The following LYG1 variants were observed in gnomAD, a reference collection of about 807,000 sequenced individuals.
LYG1 encodes the protein lysozyme g1, also known as lysozyme g-like protein 1.
LYG1 carries 17 observed loss-of-function variants against 21.7 expected under a neutral mutation model. The ratio of observed to expected loss-of-function variants is 0.78; its 90% CI spans 0.54 to 1.18. LYG1 has a LOEUF of 1.18. LYG1 is among the 50% of genes most tolerant of loss of function. The pLI, the probability that LYG1 is intolerant of heterozygous loss-of-function variation, is 0.00. For synonymous variants in LYG1, 81 were observed against 87.4 expected, an observed-to-expected ratio of 0.93 and a Z score of 0.41; for missense variants, 211 against 238.1, an observed-to-expected ratio of 0.89 and a Z score of 0.75.
chr2:99,298,707 C>A (rs1363599992), intron 1 of LYG1, among the ~76,000 whole-genome samples, 158 bp from the exon 2 acceptor site: 1 of 152,094 alleles, frequency 6.6e-6, no homozygotes, highest in Non-Finnish European at 1.5e-5. Flanking sequence ...CCTCAACGTG[C>A]CCAATGAAGG....
At chr2:99,286,685 C>T (rs1486296950) in intron 5 of LYG1, among the ~76,000 whole-genome samples, 2 of 152,062 alleles carry the variant, frequency 1.3e-5, no homozygotes, top group Admixed American at 6.6e-5. Context: ...GCCTGGGCAA[C>T]AAGAGTGAGA....
At chr2:99,286,455 C>A (rs905318972) in intron 5 of LYG1, among the ~76,000 whole-genome samples, 3 of 152,100 alleles carry the variant, frequency 2.0e-5, no homozygotes, top group African/African-American at 7.2e-5. Flanking sequence ...CCTGTAATCC[C>A]AGCACTATGG....
intron 2 of LYG1, among the ~76,000 whole-genome samples, chr2:99,298,199 T>A (rs755223876): frequency 1.4e-4 from 22 of 152,168 alleles, no homozygotes; most frequent in Non-Finnish European, 2.9e-4. Context: ...ATTTGTTAAT[T>A]CCCCTGTGGC....
At position 99,301,054 on chromosome 2, in the gene LYG1, C is replaced by A. The variant is rs986217633; in HGVS notation, c.-128G>T. 1.5e-5 allele frequency: 2 copies of A among 133,898 alleles called. No homozygotes were observed. Among genetic ancestry groups the A allele is most frequent in the African/African-American group, 5.7e-5 (2 of 34,984 alleles). The allele number at this position is 133,898 out of a possible 1,614,324, so 8.3% of individuals were successfully genotyped here. A position where few individuals can be genotyped will look rare whatever the true frequency, so the allele number is the denominator to read the frequency against. On this transcript the variant is annotated 5_prime_UTR_variant, in exon 1 of 7. Transcript: ENST00000308528. Reference sequence around the variant, plus strand: ...ATGCCTCTGCTTCACACTCACCTGTCTTCAGTCAGTGCTCCTCCTTAGAGG... The same window carrying A: ...ATGCCTCTGCTTCACACTCACCTGTATTCAGTCAGTGCTCCTCCTTAGAGG...
chr2:99,293,051 G>A (rs1362649963), intron 3 of LYG1, among the ~76,000 whole-genome samples: 2 of 146,242 alleles, frequency 1.4e-5, no homozygotes, highest in Non-Finnish European at 3.0e-5. Flanking sequence ...GAGTGCAGTG[G>A]CACGATCTCG....
At chr2:99,294,935 CTA>C (rs2094132186) in intron 3 of LYG1, among the ~76,000 whole-genome samples, 1 of 152,116 alleles carries the variant, frequency 6.6e-6, no homozygotes, top group South Asian at 2.1e-4. Flanking sequence ...AACCCTGTCT[CTA>C]CTAAAAATAC....
At chr2:99,290,960 T>C (rs142437352) in intron 5 of LYG1, among the ~76,000 whole-genome samples, 1 of 152,330 alleles carries the variant, frequency 6.6e-6, no homozygotes, top group East Asian at 1.9e-4. Context: ...AGATTTAATC[T>C]GTGATCTTTC....
intron 1 of LYG1, among the ~76,000 whole-genome samples, chr2:99,300,157 T>C (rs572930080): frequency 6.6e-6 from 1 of 152,186 alleles, no homozygotes; most frequent in Non-Finnish European, 1.5e-5. Context: ...TTTTAAGCTG[T>C]TACGCTGCGT....
At chr2:99,298,131 G>C (rs1218381783) in intron 2 of LYG1, among the ~76,000 whole-genome samples, 2 of 152,230 alleles carry the variant, frequency 1.3e-5, no homozygotes, top group Non-Finnish European at 2.9e-5. Flanking sequence ...GTTTAGAAGA[G>C]ATTGTTGAGA....
intron 3 of LYG1, among the ~76,000 whole-genome samples, chr2:99,293,706 T>C (rs986009632): frequency 6.6e-6 from 1 of 152,106 alleles, no homozygotes; most frequent in African/African-American, 2.4e-5. Context: ...TTCTTTCTCT[T>C]CACACCAGGA....
rs145683553 is a variant in LYG1, at chr2:99,298,928, T to A, written c.-123-379A>T. 6.6e-5 allele frequency among the ~76,000 whole-genome samples: 10 copies of A among 152,312 alleles called. No individual in the cohort carries two copies. In the East Asian group the frequency reaches 1.9e-3, roughly 29 times the overall value. On this transcript the variant is annotated intron_variant, in intron 1 of 6. Transcript: ENST00000308528. ...TAATTTTAATTACTTTTTGTTTTGTTGGGTTTTGCTTTGTTTTGTTTGAGA... is the reference window on the plus strand; with the variant it reads ...TAATTTTAATTACTTTTTGTTTTGTAGGGTTTTGCTTTGTTTTGTTTGAGA...
At chr2:99,303,092 A>C (rs1044430109), upstream of LYG1, among the ~76,000 whole-genome samples, 1 of 151,714 alleles carries the variant, frequency 6.6e-6, no homozygotes, top group Non-Finnish European at 1.5e-5. Flanking sequence ...GGGCACTGTG[A>C]GCAAGGGTCC....
rs574661303 is a variant in LYG1 at position 99,287,834 on chromosome 2, G to T, written c.334-3014C>A. Among the ~76,000 whole-genome samples the T allele has an allele frequency of 5.7e-4, 87 of 152,184 alleles. No individual in the cohort carries two copies. The South Asian group carries it at 9.1e-3, about 16-fold the overall frequency. On this transcript the variant is annotated intron_variant, in intron 5 of 6. Coordinates refer to ENST00000308528, the MANE Select transcript of LYG1 (RefSeq NM_174898.3). ...ATTTTTGAGGATTTCTTTAATAGATGATATATGATCAACTTTTGTAAAATG... is the reference window on the plus strand; with the variant it reads ...ATTTTTGAGGATTTCTTTAATAGATTATATATGATCAACTTTTGTAAAATG...
Position 99,292,610 on chromosome 2 carries a change from T to A in LYG1, c.74A>T (p.Tyr25Phe). The change falls in exon 4 of 7, where the codon TAT becomes TTT. Residue 25 changes from tyrosine to phenylalanine, a missense_variant. Physicochemically the swap from Tyr to Phe is conservative, Grantham distance 22. Coordinates refer to ENST00000308528, the MANE Select transcript of LYG1 (RefSeq NM_174898.3). The stretch of plus-strand genomic sequence containing the variant: ...GGTGTCCAGGCTTTGGATGTTTCCA[T>A]AGCATCCCCAGTTGCTGCTTTCAGA... Reference protein sequence around the residue: ...DLSESSNWGCYGNIQSLDTPG... With the variant: ...DLSESSNWGCFGNIQSLDTPG... 6.2e-7 allele frequency: 1 copy of A among 1,614,150 alleles called. No individual in the cohort carries two copies. The highest frequency in any genetic ancestry group is 8.5e-7 in the Non-Finnish European group (1 of 1,179,970).
intron 3 of LYG1, among the ~76,000 whole-genome samples, chr2:99,294,151 C>G (rs2094129460): frequency 6.6e-6 from 1 of 152,080 alleles, no homozygotes; most frequent in Admixed American, 6.6e-5. Flanking sequence ...TGAGCTCAAG[C>G]AATTTGCCCG....
Position 99,291,384 on chromosome 2 carries a change from C to T in LYG1, c.186G>A (p.Met62Ile). 6.2e-7 allele frequency: 1 copy of T among 1,614,154 alleles called. No individual in the cohort carries two copies. Among genetic ancestry groups the T allele is most frequent in the Non-Finnish European group, 8.5e-7 (1 of 1,180,026 alleles). ...TGGGTTGATATTTCAGGAGGTATGG[C>T]ATGTCTATTTCAGCCAGCCTTTCAG... ...RASERLAEID[M>I]PYLLKYQPMM... The change falls in exon 5 of 7, where the codon ATG (methionine) becomes ATA (isoleucine). Residue 62 changes from methionine to isoleucine, a missense_variant. Transcript: ENST00000308528.
chr2:99,291,354 C>T lies in LYG1; in HGVS notation c.216G>A (p.Met72Ile). 2.5e-6 allele frequency: 4 copies of T among 1,614,184 alleles called. No homozygotes were observed. The highest frequency in any genetic ancestry group is 3.4e-6 in the Non-Finnish European group (4 of 1,180,028). The change falls in exon 5 of 7, where the codon ATG (methionine) becomes ATA (isoleucine). Residue 72 changes from methionine to isoleucine, a missense_variant. By Grantham distance (10) the Met-to-Ile change is conservative. Transcript: ENST00000308528. ...MPYLLKYQPMMQTIGQKYCMD... is the reference protein window; with the variant it reads ...MPYLLKYQPMIQTIGQKYCMD... ...TGCAGTACTTTTGGCCAATGGTTTGCATCATGGGTTGATATTTCAGGAGGT... is the reference window on the plus strand; with the variant it reads ...TGCAGTACTTTTGGCCAATGGTTTGTATCATGGGTTGATATTTCAGGAGGT...
At chr2:99,298,011 A>G (rs1209877443) in intron 2 of LYG1, among the ~76,000 whole-genome samples, 2 of 152,178 alleles carry the variant, frequency 1.3e-5, no homozygotes, top group African/African-American at 4.8e-5. Context: ...CACCACACCT[A>G]GCTTGGAATT....
At chr2:99,291,089 C>T in intron 5 of LYG1, 148 bp downstream of exon 5, 1 of 653,684 alleles carries the variant, frequency 1.5e-6, no homozygotes, top group Non-Finnish European at 2.5e-6. Flanking sequence ...AATGTTGCTG[C>T]TCATATCTCT....
Sources: gnomAD v4.1 joint callset for allele counts (sites outside exome capture counted in the v4.1 genomes callset) on GRCh38, gnomAD v4.1.1 for gene constraint, MANE v1.5 for transcripts, NCBI Gene and HGNC (gene_info 2026-07-23, HGNC 2026-07-21) for gene names.